WWOX: variants seen among roughly 807,000 people sequenced by gnomAD.
The protein encoded by WWOX is WW domain-containing oxidoreductase.
A neutral mutation model predicts 46.2 loss-of-function variants in WWOX; 69 were observed. That is an observed-to-expected ratio of 1.49 (90% CI 1.23 to 1.82). The LOEUF is 1.82. Ranked by LOEUF, WWOX falls within the 40% of genes most tolerant of loss-of-function variation. The pLI is 0.00. For missense variants in WWOX, 919 were observed against 542.6 expected (o/e 1.69, Z -6.89); for synonymous variants, 359 against 202.6 (o/e 1.77, Z -6.56).
chr16:78,930,200 G>C, intron 8 of WWOX, among the ~76,000 whole-genome samples: 1 of 138,454 alleles, frequency 7.2e-6, no homozygotes, highest in South Asian at 2.4e-4. Flanking sequence ...CCAGAGCCTG[G>C]GGTGGATTAT....
rs771984149 is a variant in WWOX, at chr16:78,995,095, C to T, written c.1057-216513C>T. On this transcript the variant is annotated intron_variant, in intron 8 of 8. Coordinates refer to ENST00000566780, the MANE Select transcript of WWOX (RefSeq NM_016373.4). ...GGAGGATGCCGAGGAGTTCACTGTG[C>T]CCTTAGATAATAACAGTTTGTCTTG... Among the ~76,000 whole-genome samples the T allele has an allele frequency of 2.6e-5, 4 of 151,502 alleles. No individual in the cohort carries two copies. The East Asian group carries it at 5.8e-4, about 22-fold the overall frequency.
In WWOX at chr16:78,326,581, C is replaced by CA. The variant is rs1233388094; in HGVS notation, c.517-60279_517-60278insA. Among the ~76,000 whole-genome samples the CA allele has an allele frequency of 8.5e-5, 8 of 94,366 alleles. No individual in the cohort carries two copies. In the East Asian group the frequency reaches 2.3e-3, roughly 27 times the overall value. 61.9% of individuals were successfully genotyped at this position (94,366 alleles called of 152,430 possible). Reference sequence around the variant, plus strand: ...ATTTCTGCCTGCCCTCCCCCCGCCCCCCCCCCCCGCAATGCCTCAATCTGT... The same window carrying CA: ...ATTTCTGCCTGCCCTCCCCCCGCCCCACCCCCCCCGCAATGCCTCAATCTGT... On this transcript the variant is annotated intron_variant, in intron 5 of 8. Transcript: ENST00000566780.
chr16:79,125,452 T>C (rs2049731798), intron 8 of WWOX, among the ~76,000 whole-genome samples: 1 of 152,240 alleles, frequency 6.6e-6, no homozygotes, highest in Non-Finnish European at 1.5e-5. Context: ...TTGTAACAGC[T>C]TCTTAATTAC....
intron 8 of WWOX, among the ~76,000 whole-genome samples, chr16:78,512,897 A>G (rs945149818): frequency 6.6e-6 from 1 of 152,158 alleles, no homozygotes; most frequent in Admixed American, 6.5e-5. Context: ...TCTGCGTGTT[A>G]CCCAGTCTTA....
At chr16:78,864,141 A>G (rs1022801659) in intron 8 of WWOX, among the ~76,000 whole-genome samples, 7 of 152,100 alleles carry the variant, frequency 4.6e-5, no homozygotes, top group Non-Finnish European at 8.8e-5. Context: ...CTACCTAACC[A>G]CCTACCTGGG....
At chr16:78,231,485 G>C (rs914048155) in intron 5 of WWOX, among the ~76,000 whole-genome samples, 1 of 152,158 alleles carries the variant, frequency 6.6e-6, no homozygotes, top group Non-Finnish European at 1.5e-5. Context: ...CCTGAGTGTT[G>C]CTACCTGTTT....
At chr16:79,075,300 A>G (rs959908015) in intron 8 of WWOX, among the ~76,000 whole-genome samples, 2 of 152,180 alleles carry the variant, frequency 1.3e-5, no homozygotes, top group African/African-American at 2.4e-5. Flanking sequence ...TGTAAAAATC[A>G]TACATGTATG....
At chr16:79,208,573 A>G (rs974363520) in intron 8 of WWOX, among the ~76,000 whole-genome samples, 1 of 152,116 alleles carries the variant, frequency 6.6e-6, no homozygotes, top group East Asian at 1.9e-4. Flanking sequence ...TTATGAACTG[A>G]TGCCCCAAAA....
At chr16:78,417,052 T>TGTGTGTGTGTGTGTGTGTGTG (rs2082814640) in intron 6 of WWOX, among the ~76,000 whole-genome samples, 1 of 152,006 alleles carries the variant, frequency 6.6e-6, no homozygotes, top group African/African-American at 2.4e-5. Context: ...TGTGTGTGTG[T>TGTGTGTGTGTGTGTGTGTGTG]TTGCTTCTTT....
intron 8 of WWOX, among the ~76,000 whole-genome samples, chr16:78,771,787 A>G (rs561077759): frequency 6.6e-6 from 1 of 150,700 alleles, no homozygotes; most frequent in African/African-American, 2.4e-5. Flanking sequence ...AAATAAATAA[A>G]TAAATAAATA....
chr16:78,695,333 C>T (rs1254319819), intron 8 of WWOX, among the ~76,000 whole-genome samples: 1 of 152,024 alleles, frequency 6.6e-6, no homozygotes, highest in African/African-American at 2.4e-5. Context: ...CAATTTGAAT[C>T]CTCCCATATG....
chr16:78,119,786 A>C (rs1023700020), intron 4 of WWOX, among the ~76,000 whole-genome samples: 1 of 152,088 alleles, frequency 6.6e-6, no homozygotes, highest in African/African-American at 2.4e-5. Context: ...AGTATGAACA[A>C]ATTAGATATT....
chr16:78,469,081 C>T (rs547647388), intron 8 of WWOX, among the ~76,000 whole-genome samples: 5 of 152,274 alleles, frequency 3.3e-5, no homozygotes, highest in South Asian at 2.1e-4. Context: ...TGGCCTTACT[C>T]GTTTTCAAAT....
At chr16:79,049,171 C>T (rs181913558) in intron 8 of WWOX, among the ~76,000 whole-genome samples, 198 of 152,346 alleles carry the variant, frequency 1.3e-3, no homozygotes, top group African/African-American at 4.7e-3. Context: ...CACAACTATT[C>T]AGTTCTGCCA....
At chr16:78,889,735 A>G (rs2151226070) in intron 8 of WWOX, among the ~76,000 whole-genome samples, 1 of 152,132 alleles carries the variant, frequency 6.6e-6, no homozygotes, top group East Asian at 1.9e-4. Context: ...CCCCATTTTA[A>G]CTTGTGCGAT....
At position 78,344,564 on chromosome 16, in the gene WWOX, A is replaced by G. The variant is rs900625263; in HGVS notation, c.517-42296A>G. ...AATGGGAATCTTTGCCTGTGACTCT[A>G]TCGTGTGAATTAGCAGAGCTTGGCT... On this transcript the variant is annotated intron_variant, in intron 5 of 8. Transcript: ENST00000566780. 5.8e-5 allele frequency among the ~76,000 whole-genome samples: 7 copies of G among 121,260 alleles called. 1 individual carries two copies. The highest frequency in any genetic ancestry group is 3.9e-4 in the East Asian group (2 of 5,166). 79.6% of individuals were successfully genotyped at this position (121,260 alleles called of 152,430 possible).
Position 79,089,961 on chromosome 16 carries a change from G to GA in WWOX, c.1057-121635dup, listed in dbSNP as rs1436065740. 1,303 of 136,912 alleles carry GA rather than the reference G, an allele frequency of 9.5e-3. 51 individuals are homozygous for GA. Among genetic ancestry groups the GA allele is most frequent in the Admixed American group, 0.061 (839 of 13,726 alleles). 8.5% of individuals were successfully genotyped at this position (136,912 alleles called of 1,614,324 possible). A position where few individuals can be genotyped will look rare whatever the true frequency, so the allele number is the denominator to read the frequency against. ...AGAGAAACCGAAAGAGTGAACACTG[G>GA]AAAAAAAAAAAAGGGGGGGCCGGCG... is the stretch of plus-strand genomic sequence containing the variant. On this transcript the variant is annotated intron_variant, in intron 8 of 8. Coordinates refer to ENST00000566780, the MANE Select transcript of WWOX (RefSeq NM_016373.4).
At chr16:79,148,748 G>C (rs2050224757) in intron 8 of WWOX, among the ~76,000 whole-genome samples, 1 of 152,032 alleles carries the variant, frequency 6.6e-6, no homozygotes, top group Admixed American at 6.6e-5. Context: ...AAACCCACTG[G>C]AGTGTGTACC....
chr16:79,125,895 G>A (rs2049742944), intron 8 of WWOX, among the ~76,000 whole-genome samples: 1 of 152,168 alleles, frequency 6.6e-6, no homozygotes, highest in South Asian at 2.1e-4. Flanking sequence ...CGAAGGCGTG[G>A]TTTCTTTACT....
Sources: allele counts gnomAD v4.1 joint callset (sites outside exome capture counted in the v4.1 genomes callset), GRCh38; gene constraint gnomAD v4.1.1; transcripts MANE v1.5; gene names NCBI Gene and HGNC (gene_info 2026-07-23, HGNC 2026-07-21).